The following REDIC1 variants were observed in gnomAD, a reference collection of about 807,000 sequenced individuals.
REDIC1 encodes regulator of DNA class I crossover intermediates 1.
chr12:39,786,075 GC>G, the REDIC1 span, among the ~76,000 whole-genome samples: 1 of 152,090 alleles, frequency 6.6e-6, no homozygotes, highest in African/African-American at 2.4e-5. Flanking sequence ...TGTTGGGAAG[GC>G]ATGATTAGTT....
At chr12:39,753,670 T>C in the REDIC1 span, among the ~76,000 whole-genome samples, 1 of 152,182 alleles carries the variant, frequency 6.6e-6, no homozygotes, top group Non-Finnish European at 1.5e-5. Flanking sequence ...AAATTGCCTG[T>C]GCTTTGAACA....
chr12:39,675,241 C>G, the REDIC1 span, among the ~76,000 whole-genome samples: 1 of 152,200 alleles, frequency 6.6e-6, no homozygotes, highest in Non-Finnish European at 1.5e-5. Context: ...GAACCACCCC[C>G]ATCCCCCACA....
At chr12:39,896,374 A>ATG in the REDIC1 span, among the ~76,000 whole-genome samples, 3 of 132,102 alleles carry the variant, frequency 2.3e-5, no homozygotes, top group South Asian at 7.1e-4. Flanking sequence ...ATATGTATAC[A>ATG]TATATGTATG....
the REDIC1 span, among the ~76,000 whole-genome samples, chr12:39,792,777 G>C: frequency 6.8e-6 from 1 of 146,436 alleles, no homozygotes; most frequent in African/African-American, 2.5e-5. Context: ...AGAACCCACT[G>C]ATATGGAGGG....
the REDIC1 span, among the ~76,000 whole-genome samples, chr12:39,639,700 T>A: frequency 6.6e-6 from 1 of 151,992 alleles, no homozygotes; most frequent in African/African-American, 2.4e-5. Context: ...AGAACCTACC[T>A]TACAGAGTTG....
chr12:39,758,477 T>C, the REDIC1 span: 2 of 151,994 alleles, frequency 1.3e-5, no homozygotes, highest in Non-Finnish European at 2.9e-5. Context: ...TGCATCAAAC[T>C]GATGTATTCC....
At chr12:39,776,644 T>TAGAAG in the REDIC1 span, among the ~76,000 whole-genome samples, 15 of 152,156 alleles carry the variant, frequency 9.9e-5, no homozygotes, top group African/African-American at 3.4e-4. Flanking sequence ...GAGAAGAGTA[T>TAGAAG]AGAAGAGAAA....
the REDIC1 span, among the ~76,000 whole-genome samples, chr12:39,812,339 TTTCTTTTCTTTTC>T: frequency 7.0e-5 from 3 of 42,752 alleles, no homozygotes. Context: ...TAATTTCTTT[TTTCTTTTCTTTTC>T]TTTTCTTTTC....
chr12:39,889,699 A>G, the REDIC1 span, among the ~76,000 whole-genome samples: 1 of 151,688 alleles, frequency 6.6e-6, no homozygotes, highest in Admixed American at 6.6e-5. Context: ...CGCCCGGCTA[A>G]TTTTTGTATT....
chr12:39,829,721 T>C, the REDIC1 span: 2 of 247,634 alleles, frequency 8.1e-6, no homozygotes, highest in Non-Finnish European at 1.6e-5. Flanking sequence ...CCTAACGTGA[T>C]AGTAATTCAT....
the REDIC1 span, among the ~76,000 whole-genome samples, chr12:39,787,386 A>G: frequency 3.9e-5 from 6 of 152,328 alleles, no homozygotes; most frequent in African/African-American, 1.2e-4. Flanking sequence ...ACAGAAAGGA[A>G]TACTTTTTCT....
the REDIC1 span, among the ~76,000 whole-genome samples, chr12:39,784,635 T>A: frequency 6.6e-6 from 1 of 152,172 alleles, no homozygotes; most frequent in Non-Finnish European, 1.5e-5. Flanking sequence ...GAAGAAAATC[T>A]AGGCAATACC....
chr12:39,732,685 G>C, the REDIC1 span, among the ~76,000 whole-genome samples: 1 of 152,166 alleles, frequency 6.6e-6, no homozygotes, highest in African/African-American at 2.4e-5. Context: ...TAGGCTCTCT[G>C]TCATCCTCTG....
the REDIC1 span, among the ~76,000 whole-genome samples, chr12:39,751,047 C>T: frequency 1.3e-5 from 2 of 152,080 alleles, no homozygotes; most frequent in African/African-American, 2.4e-5. Flanking sequence ...GCAACAAAAG[C>T]CAAAATTGAC....
chr12:39,844,279 TAGAC>T, the REDIC1 span, among the ~76,000 whole-genome samples: 11 of 152,202 alleles, frequency 7.2e-5, no homozygotes, highest in East Asian at 1.2e-3. Context: ...ATAGGGTAGA[TAGAC>T]AGTCCTTTAA....
At chr12:39,657,719 TTC>T in the REDIC1 span, among the ~76,000 whole-genome samples, 2 of 152,182 alleles carry the variant, frequency 1.3e-5, no homozygotes, top group Non-Finnish European at 2.9e-5. Context: ...CTGTAGCACT[TTC>T]TCTCTCATTA....
the REDIC1 span, among the ~76,000 whole-genome samples, chr12:39,690,938 A>G: frequency 6.6e-6 from 1 of 152,270 alleles, no homozygotes; most frequent in Non-Finnish European, 1.5e-5. Flanking sequence ...TGGGGTCTAC[A>G]TAGCTTTCTT....
At chr12:39,704,161 C>T in the REDIC1 span, among the ~76,000 whole-genome samples, 5 of 151,112 alleles carry the variant, frequency 3.3e-5, no homozygotes, top group Non-Finnish European at 4.5e-5. Flanking sequence ...AGAAAATTTT[C>T]GCATCCTACT....
chr12:39,804,001 G>A, the REDIC1 span, among the ~76,000 whole-genome samples: 1 of 151,792 alleles, frequency 6.6e-6, no homozygotes, highest in African/African-American at 2.4e-5. Context: ...ATACAGTACA[G>A]GAAGAAGAAA....
Sources: gnomAD v4.1 joint callset for allele counts (sites outside exome capture counted in the v4.1 genomes callset) on GRCh38, gnomAD v4.1.1 for gene constraint, MANE v1.5 for transcripts, NCBI Gene and HGNC (gene_info 2026-07-23, HGNC 2026-07-21) for gene names.